The following PKIA variants were observed in gnomAD, a reference collection of about 807,000 sequenced individuals.
PKIA encodes cAMP-dependent protein kinase inhibitor alpha.
Under a neutral mutation model 7.6 loss-of-function variants are expected in PKIA, and 4 were observed. The observed-to-expected ratio is 0.52, with a 90% CI of 0.26 to 1.20. PKIA has a LOEUF of 1.20. PKIA is among the 50% of genes most tolerant of loss of function. The probability of loss-of-function intolerance (pLI) is 0.13; values close to 1 mark genes in which losing one functional copy is unlikely to be tolerated. For missense variants in PKIA, 73 were observed against 86.2 expected, an observed-to-expected ratio of 0.85 and a Z score of 0.61; for synonymous variants, 21 against 30.7, an observed-to-expected ratio of 0.68 and a Z score of 1.04.
intron 1 of PKIA, among the ~76,000 whole-genome samples, chr8:78,526,714 T>C (rs1270664090): frequency 6.6e-6 from 1 of 151,922 alleles, no homozygotes; most frequent in African/African-American, 2.4e-5. Context: ...TTCAGGGACT[T>C]GTTTATTATT....
At chr8:78,553,944 C>A (rs977286182) in intron 1 of PKIA, among the ~76,000 whole-genome samples, 8 of 151,830 alleles carry the variant, frequency 5.3e-5, no homozygotes, top group Non-Finnish European at 1.0e-4. Context: ...CAGCAGAACA[C>A]GGGATGGGGA....
At chr8:78,595,808 T>C (rs1196963794) in intron 2 of PKIA, among the ~76,000 whole-genome samples, 1 of 152,208 alleles carries the variant, frequency 6.6e-6, no homozygotes, top group Non-Finnish European at 1.5e-5. Flanking sequence ...GTGTCTTTGT[T>C]ATTGTGAAAA....
intron 1 of PKIA, among the ~76,000 whole-genome samples, chr8:78,516,946 C>A (rs899550690): frequency 6.6e-6 from 1 of 152,174 alleles, no homozygotes; most frequent in Admixed American, 6.5e-5. Context: ...AAAACACCTG[C>A]TTCAAGACTG....
intron 1 of PKIA, chr8:78,534,837 G>A (rs1218736548): frequency 6.6e-6 from 1 of 152,160 alleles, no homozygotes; most frequent in Non-Finnish European, 1.5e-5. Context: ...CCCTTGCTGA[G>A]TATCATTATC....
chr8:78,594,477 A>C (rs1219518238), intron 2 of PKIA, among the ~76,000 whole-genome samples: 2 of 152,186 alleles, frequency 1.3e-5, no homozygotes, highest in East Asian at 3.8e-4. Context: ...GCCTTTGAGA[A>C]AGGCAAAATG....
intron 1 of PKIA, among the ~76,000 whole-genome samples, chr8:78,552,326 T>A (rs987643863): frequency 6.9e-6 from 1 of 144,714 alleles, no homozygotes; most frequent in Non-Finnish European, 1.5e-5. Flanking sequence ...TTTACCATTT[T>A]CTTAAAAAAA....
intron 1 of PKIA, among the ~76,000 whole-genome samples, chr8:78,524,755 G>T (rs1160949530): frequency 6.6e-6 from 1 of 151,710 alleles, no homozygotes; most frequent in African/African-American, 2.4e-5. Context: ...AAGATTTCTG[G>T]GGAGCTTATC....
At chr8:78,561,408 C>T (rs1037279731) in intron 1 of PKIA, among the ~76,000 whole-genome samples, 1 of 151,436 alleles carries the variant, frequency 6.6e-6, no homozygotes, top group Non-Finnish European at 1.5e-5. Flanking sequence ...TCTTCCTCCT[C>T]AACATCATGT....
At chr8:78,520,086 G>A (rs968689773) in intron 1 of PKIA, among the ~76,000 whole-genome samples, 1 of 152,122 alleles carries the variant, frequency 6.6e-6, no homozygotes, top group Non-Finnish European at 1.5e-5. Flanking sequence ...ACTCTATGGT[G>A]TCTAGCTACA....
At chr8:78,570,359 A>G (rs544693862) in intron 1 of PKIA, among the ~76,000 whole-genome samples, 40 of 152,320 alleles carry the variant, frequency 2.6e-4, no homozygotes, top group Non-Finnish European at 4.1e-4. Flanking sequence ...ATCTGAAACT[A>G]TGGATGTCAG....
At chr8:78,536,637 T>C (rs544474849) in intron 1 of PKIA, among the ~76,000 whole-genome samples, 26 of 152,140 alleles carry the variant, frequency 1.7e-4, no homozygotes, top group African/African-American at 6.3e-4. Context: ...GCATGAGAAT[T>C]ATTACTCAAT....
intron 1 of PKIA, among the ~76,000 whole-genome samples, chr8:78,559,277 T>C (rs540834174): frequency 2.2e-4 from 33 of 152,224 alleles, no homozygotes; most frequent in African/African-American, 7.7e-4. Flanking sequence ...CTCTAGGAAG[T>C]AGCTAAGGTG....
chr8:78,520,302 T>C (rs552463473), intron 1 of PKIA, among the ~76,000 whole-genome samples: 1 of 152,252 alleles, frequency 6.6e-6, no homozygotes, highest in Non-Finnish European at 1.5e-5. Context: ...CTACAAAAGG[T>C]ATTATGAGCT....
chr8:78,522,304 G>T (rs1472493701), intron 1 of PKIA, among the ~76,000 whole-genome samples: 1 of 151,904 alleles, frequency 6.6e-6, no homozygotes, highest in Non-Finnish European at 1.5e-5. Flanking sequence ...TTCAAGTTAT[G>T]TGGTAATAAA....
intron 1 of PKIA, among the ~76,000 whole-genome samples, chr8:78,545,048 A>T (rs1048215579): frequency 6.6e-6 from 1 of 152,124 alleles, no homozygotes; most frequent in Non-Finnish European, 1.5e-5. Flanking sequence ...ATAATAAAGA[A>T]AAAAGCTAAA....
chr8:78,524,818 A>G (rs1005129665), intron 1 of PKIA, among the ~76,000 whole-genome samples: 2 of 151,996 alleles, frequency 1.3e-5, no homozygotes, highest in Admixed American at 1.3e-4. Context: ...CATAAGTAAA[A>G]TATCAACAGC....
intron 1 of PKIA, among the ~76,000 whole-genome samples, chr8:78,569,686 G>C (rs1807501739): frequency 6.6e-6 from 1 of 152,062 alleles, no homozygotes; most frequent in Non-Finnish European, 1.5e-5. Context: ...AGATAAATCA[G>C]TTGTTGAAAT....
At chr8:78,559,898 G>A (rs1316270490) in intron 1 of PKIA, among the ~76,000 whole-genome samples, 1 of 152,120 alleles carries the variant, frequency 6.6e-6, no homozygotes, top group Non-Finnish European at 1.5e-5. Context: ...TAGTCCCAAA[G>A]TGATAACCTA....
intron 1 of PKIA, among the ~76,000 whole-genome samples, chr8:78,557,050 C>T (rs1807156886): frequency 6.6e-6 from 1 of 152,128 alleles, no homozygotes; most frequent in South Asian, 2.1e-4. Context: ...TGTTACCCTA[C>T]TTGTCATTTT....
Sources: allele counts gnomAD v4.1 joint callset (sites outside exome capture counted in the v4.1 genomes callset), GRCh38; gene constraint gnomAD v4.1.1; transcripts MANE v1.5; gene names NCBI Gene and HGNC (gene_info 2026-07-23, HGNC 2026-07-21).